The following ACOT7 variants were observed in gnomAD, a reference collection of about 807,000 sequenced individuals.
The protein encoded by ACOT7 is acyl-CoA thioesterase 7, also known as cytosolic acyl coenzyme A thioester hydrolase.
ACOT7 carries 12 observed loss-of-function variants against 40.2 expected under a neutral mutation model. That is an observed-to-expected ratio of 0.30 (90% confidence interval 0.19 to 0.48). The LOEUF (loss-of-function observed/expected upper bound fraction) is 0.48, where lower values mean the gene tolerates loss of function less well. ACOT7 is among the 20% of genes least tolerant of loss of function. The pLI is 0.99. For synonymous variants in ACOT7, 228 were observed against 219.5 expected, an observed-to-expected ratio of 1.04 and a Z score of -0.34; for missense variants, 395 against 530.8, an observed-to-expected ratio of 0.74 and a Z score of 2.51.
intron 8 of ACOT7, among the ~76,000 whole-genome samples, chr1:6,279,995 G>A (rs1639307388): frequency 6.6e-6 from 1 of 152,242 alleles, no homozygotes; most frequent in African/African-American, 2.4e-5. Context: ...TTCAGTGCAC[G>A]CTCCTCTCCG....
chr1:6,370,812 A>ATT (rs529638495), intron 1 of ACOT7, among the ~76,000 whole-genome samples: 1,538 of 139,276 alleles, frequency 0.011, 32 homozygotes, highest in African/African-American at 0.038. Context: ...TATTATTTTG[A>ATT]TTTTTTTTTT....
At chr1:6,295,797 TG>T (rs2148396657) in intron 6 of ACOT7, among the ~76,000 whole-genome samples, 1 of 152,010 alleles carries the variant, frequency 6.6e-6, no homozygotes, top group East Asian at 1.9e-4. Context: ...TGACCACTAA[TG>T]GGTACAGGGT....
chr1:6,336,357 A>AAAAAAAAAAAAAC (rs1299222983), intron 3 of ACOT7, among the ~76,000 whole-genome samples: 1 of 151,820 alleles, frequency 6.6e-6, no homozygotes, highest in African/African-American at 2.4e-5. Flanking sequence ...AAAAAAAAAA[A>AAAAAAAAAAAAAC]ATCTCTTAAA....
Position 6,279,079 on chromosome 1 carries a change from C to A in ACOT7, c.1014+2023G>T, listed in dbSNP as rs376492261. 1.9e-3 allele frequency among the ~76,000 whole-genome samples: 285 copies of A among 152,222 alleles called. 3 individuals carry two copies. Among genetic ancestry groups the A allele is most frequent in the African/African-American group, 6.5e-3 (268 of 41,544 alleles). On this transcript the variant is annotated intron_variant, in intron 8 of 8. Coordinates refer to ENST00000361521, the MANE Select transcript of ACOT7 (RefSeq NM_007274.4). ...GGGCGTCGGGTCCATGGGGAGAGACCAGAGCGGGCCCAGGTGGGAGTGGAG... is the reference window on the plus strand; with the variant it reads ...GGGCGTCGGGTCCATGGGGAGAGACAAGAGCGGGCCCAGGTGGGAGTGGAG...
chr1:6,287,738 T>TA (rs375216139), intron 7 of ACOT7, among the ~76,000 whole-genome samples: 2,636 of 148,630 alleles, frequency 0.018, 28 homozygotes, highest in Non-Finnish European at 0.024. Context: ...GAAAACAAAA[T>TA]AAAAAAAAAA....
chr1:6,320,409 C>T (rs1388114067), intron 5 of ACOT7, among the ~76,000 whole-genome samples: 1 of 152,182 alleles, frequency 6.6e-6, no homozygotes. Context: ...GTGGGTCACA[C>T]AGTGAGGTTG....
chr1:6,378,439 C>T (rs1642277328), intron 1 of ACOT7, among the ~76,000 whole-genome samples: 2 of 151,974 alleles, frequency 1.3e-5, no homozygotes, highest in South Asian at 2.1e-4. Context: ...CTCCCAGTCC[C>T]GGGCTCATGG....
At chr1:6,310,099 G>A (rs1416290431) in intron 6 of ACOT7, among the ~76,000 whole-genome samples, 1 of 152,230 alleles carries the variant, frequency 6.6e-6, no homozygotes, top group East Asian at 1.9e-4. Context: ...TCCAGAGGAA[G>A]AGCAGGTCCA....
intron 1 of ACOT7, among the ~76,000 whole-genome samples, chr1:6,369,103 C>G (rs901141534): frequency 6.6e-6 from 1 of 151,774 alleles, no homozygotes; most frequent in Admixed American, 6.6e-5. Flanking sequence ...TGTGACTCAG[C>G]CTCCTGAGTA....
rs1313211125 is a variant in ACOT7, at chr1:6,351,134, G to A, written c.144-1268C>T. On this transcript the variant is annotated intron_variant, in intron 1 of 8. Transcript: ENST00000361521. ...ACAGGATGCCACTTCTAGAGCAAAT[G>A]ACCACAGATGTCCCCCAGCAACCCA... 2.6e-5 allele frequency among the ~76,000 whole-genome samples: 4 copies of A among 152,338 alleles called. No individual in the cohort carries two copies. In the East Asian group the frequency reaches 5.8e-4, roughly 22 times the overall value.
At chr1:6,390,246 C>T (rs114452454) in intron 1 of ACOT7, among the ~76,000 whole-genome samples, 2,335 of 152,340 alleles carry the variant, frequency 0.015, 40 homozygotes, top group Non-Finnish European at 0.021. Flanking sequence ...TCCTCCTCAC[C>T]AGTCGTCTGG....
At chr1:6,266,875 C>A (rs890968964) in intron 8 of ACOT7, among the ~76,000 whole-genome samples, 1 of 152,238 alleles carries the variant, frequency 6.6e-6, no homozygotes, top group African/African-American at 2.4e-5. Flanking sequence ...GCAACAGGAC[C>A]TGGTGGGGTT....
intron 1 of ACOT7, among the ~76,000 whole-genome samples, chr1:6,365,035 G>C (rs2148469186): frequency 6.6e-6 from 1 of 151,652 alleles, no homozygotes; most frequent in South Asian, 2.1e-4. Flanking sequence ...AAAAAAAAAA[G>C]GAAAGGAATG....
chr1:6,282,581 C>T lies in ACOT7; in HGVS notation c.830-1295G>A, dbSNP rs1425397159. The stretch of plus-strand genomic sequence containing the variant: ...GTCCTAGCTGCACCGAGACCAGCCT[C>T]ACAAGGCAGGTTTAGAGACCCAGAG... On this transcript the variant is annotated intron_variant, in intron 7 of 8. Transcript: ENST00000361521. This position sits in a 1 kb window ranked among gnomAD's most constrained non-coding sequence, Gnocchi z 4.5. 1 of 528,664 alleles carries T rather than the reference C, an allele frequency of 1.9e-6. No individual in the cohort carries two copies. The highest frequency in any genetic ancestry group is 3.2e-6 in the Non-Finnish European group (1 of 309,800). The allele number at this position is 528,664 out of a possible 1,614,324, so 32.7% of individuals were successfully genotyped here.
intron 1 of ACOT7, among the ~76,000 whole-genome samples, chr1:6,361,560 A>G (rs1641894977): frequency 6.6e-6 from 1 of 152,190 alleles, no homozygotes; most frequent in Non-Finnish European, 1.5e-5. Context: ...GCCCCTTGGG[A>G]GGCCGAGGCA....
At chr1:6,335,191 C>T (rs1641065145) in intron 3 of ACOT7, among the ~76,000 whole-genome samples, 1 of 151,724 alleles carries the variant, frequency 6.6e-6, no homozygotes, top group Admixed American at 6.6e-5. Context: ...ATTAGCCGGG[C>T]GTGGTGGTGC....
At position 6,358,735 on chromosome 1, in the gene ACOT7, C is replaced by A; in HGVS notation, c.144-8869G>T. 7.3e-7 allele frequency: 1 copy of A among 1,363,494 alleles called. No individual in the cohort carries two copies. The highest frequency in any genetic ancestry group is 2.4e-5 in the East Asian group (1 of 42,322). 84.5% of individuals were successfully genotyped at this position (1,363,494 alleles called of 1,614,324 possible). A position where few individuals can be genotyped will look rare whatever the true frequency, so the allele number is the denominator to read the frequency against. ...GCCTGCTGGGCACAGGGGCCGAGTC[C>A]CCTCTACCCACCCTTCCCTTCCAAA... On this transcript the variant is annotated intron_variant, in intron 1 of 8. Coordinates refer to ENST00000361521, the MANE Select transcript of ACOT7 (RefSeq NM_007274.4). The surrounding 1 kb of genome is among the most constrained non-coding windows in gnomAD (Gnocchi z 4.1).
At chr1:6,392,444 G>A (rs1449331281) in intron 1 of ACOT7, among the ~76,000 whole-genome samples, 1 of 152,080 alleles carries the variant, frequency 6.6e-6, no homozygotes, top group Admixed American at 6.6e-5. Flanking sequence ...GTAACCTTCA[G>A]GCTGCCCTCC....
At position 6,301,309 on chromosome 1, in the gene ACOT7, C is replaced by T. The variant is rs1191498653; in HGVS notation, c.713-6329G>A. 8.5e-5 allele frequency among the ~76,000 whole-genome samples: 13 copies of T among 152,168 alleles called. No individual in the cohort carries two copies. Among genetic ancestry groups the T allele is most frequent in the Admixed American group, 8.5e-4 (13 of 15,272 alleles). ...ATCAGCTCCTTCAAACCGGGGTTTG[C>T]CCCATTTATCCAAAAGGCTACCTTG... On this transcript the variant is annotated intron_variant, in intron 6 of 8. Transcript: ENST00000361521. This position sits in a 1 kb window ranked among gnomAD's most constrained non-coding sequence, Gnocchi z 4.1.
Sources: gnomAD v4.1 joint callset for allele counts (sites outside exome capture counted in the v4.1 genomes callset) on GRCh38, gnomAD v4.1.1 for gene constraint, Gnocchi (gnomAD v3.1) non-coding constraint, MANE v1.5 for transcripts, NCBI Gene and HGNC (gene_info 2026-07-23, HGNC 2026-07-21) for gene names.